The following STOX2 variants were observed in gnomAD, a reference collection of about 807,000 sequenced individuals.
The protein encoded by STOX2 is storkhead-box protein 2.
In STOX2, 28 loss-of-function variants were observed where a neutral mutation model predicts 60.9. The ratio of observed to expected loss-of-function variants is 0.46; its 90% CI spans 0.34 to 0.63. STOX2 has a LOEUF of 0.63. Ranked by LOEUF, STOX2 falls within the 30% of genes least tolerant of loss-of-function variation. The pLI, the probability that STOX2 is intolerant of heterozygous loss-of-function variation, is 0.01. For synonymous variants in STOX2, 472 were observed against 463.9 expected (o/e 1.02, Z -0.22); for missense variants, 1,024 against 1,187.7 (o/e 0.86, Z 2.03).
intron 1 of STOX2, among the ~76,000 whole-genome samples, chr4:183,811,992 T>G (rs1031285572): frequency 3.4e-5 from 5 of 148,856 alleles, no homozygotes; most frequent in Admixed American, 1.4e-4. Context: ...GGTGCAGTGG[T>G]GTGATTATGG....
At chr4:183,817,353 T>A (rs924634445) in intron 1 of STOX2, among the ~76,000 whole-genome samples, 2 of 152,200 alleles carry the variant, frequency 1.3e-5, no homozygotes, top group African/African-American at 4.8e-5. Context: ...TTTGCAACCC[T>A]TTGCATGCTG....
intron 1 of STOX2, among the ~76,000 whole-genome samples, chr4:183,951,151 C>T (rs1308479408): frequency 1.3e-5 from 2 of 149,396 alleles, no homozygotes; most frequent in Admixed American, 6.7e-5. Flanking sequence ...GGAGGTGGAG[C>T]TTGCAGTGAG....
At chr4:183,916,019 C>T (rs1408059705) in intron 1 of STOX2, among the ~76,000 whole-genome samples, 2 of 152,240 alleles carry the variant, frequency 1.3e-5, no homozygotes, top group African/African-American at 4.8e-5. Flanking sequence ...AGGTACTTTC[C>T]TGGCCTTCCT....
intron 1 of STOX2, among the ~76,000 whole-genome samples, chr4:183,937,404 C>T (rs1742617922): frequency 6.6e-6 from 1 of 152,186 alleles, no homozygotes; most frequent in Non-Finnish European, 1.5e-5. Flanking sequence ...GACGTGTCTT[C>T]TTCCCTTATT....
chr4:183,858,389 C>T (rs917853312), intron 1 of STOX2, among the ~76,000 whole-genome samples: 1 of 152,220 alleles, frequency 6.6e-6, no homozygotes, highest in Non-Finnish European at 1.5e-5. Context: ...AGCCACCCAC[C>T]CGGCAGCTCT....
At chr4:183,993,343 G>A (rs1408847082) in intron 1 of STOX2, among the ~76,000 whole-genome samples, 1 of 152,192 alleles carries the variant, frequency 6.6e-6, no homozygotes, top group Non-Finnish European at 1.5e-5. Context: ...TAGACAGACT[G>A]GTCAGCACAA....
Position 183,806,077 on chromosome 4 carries a change from T to G in STOX2, c.364+8022T>G, listed in dbSNP as rs377153955. 2.0e-5 allele frequency among the ~76,000 whole-genome samples: 3 copies of G among 152,326 alleles called. No homozygotes were observed. The highest frequency in any genetic ancestry group is 3.9e-4 in the East Asian group (2 of 5,184). ...GTGCATGGGACAGTGGGAGACCCCATGCTGAGCAGATCCAGGTCTGAATTT... is the reference window on the plus strand; with the variant it reads ...GTGCATGGGACAGTGGGAGACCCCAGGCTGAGCAGATCCAGGTCTGAATTT... On this transcript the variant is annotated intron_variant, in intron 1 of 2. Coordinates refer to the STOX2 transcript ENST00000513034. The surrounding 1 kb of genome is among the most constrained non-coding windows in gnomAD (Gnocchi z 4.1).
At chr4:183,872,111 A>G (rs1740706582) in intron 1 of STOX2, among the ~76,000 whole-genome samples, 1 of 152,022 alleles carries the variant, frequency 6.6e-6, no homozygotes, top group Admixed American at 6.6e-5. Context: ...GTTGGAGTAT[A>G]GTGGCGCAAT....
At chr4:183,858,844 T>C (rs1431660161) in intron 1 of STOX2, among the ~76,000 whole-genome samples, 1 of 152,220 alleles carries the variant, frequency 6.6e-6, no homozygotes, top group Non-Finnish European at 1.5e-5. Context: ...TCTAGAAATA[T>C]AATACTTTTT....
chr4:183,954,873 G>GGAT (rs1743203480), intron 1 of STOX2, among the ~76,000 whole-genome samples: 1 of 151,934 alleles, frequency 6.6e-6, no homozygotes, highest in Admixed American at 6.6e-5. Context: ...CAAGTAGCTG[G>GGAT]GATTACAGGC....
chr4:183,920,713 T>A (rs1310749118), intron 1 of STOX2, among the ~76,000 whole-genome samples: 1 of 152,226 alleles, frequency 6.6e-6, no homozygotes, highest in Non-Finnish European at 1.5e-5. Context: ...CTGCTATTTC[T>A]TCCTCTTCCT....
At chr4:183,931,286 T>A (rs962532067) in intron 1 of STOX2, among the ~76,000 whole-genome samples, 3 of 152,086 alleles carry the variant, frequency 2.0e-5, no homozygotes, top group Non-Finnish European at 4.4e-5. Flanking sequence ...TAGCTGGGTA[T>A]GGTGGCATGC....
At chr4:183,809,442 A>T (rs547996444) in intron 1 of STOX2, among the ~76,000 whole-genome samples, 11 of 152,190 alleles carry the variant, frequency 7.2e-5, no homozygotes, top group Admixed American at 3.9e-4. Context: ...CTCTGTCACC[A>T]GGCTGGAGTG....
chr4:183,917,866 C>T (rs1216763398), intron 1 of STOX2, among the ~76,000 whole-genome samples: 1 of 152,206 alleles, frequency 6.6e-6, no homozygotes, highest in Non-Finnish European at 1.5e-5. Flanking sequence ...CTGTGAAATC[C>T]TAACAATCTA....
rs554628046 is a variant in STOX2 at position 183,808,947 on chromosome 4, G to T, written c.364+10892G>T. ...TGTTTTAAGAAACTTTAAGACACTG[G>T]GGGTCTTGATTGCTTTGAATTGTTT... On this transcript the variant is annotated intron_variant, in intron 1 of 2. Transcript: ENST00000513034. 7.9e-5 allele frequency among the ~76,000 whole-genome samples: 12 copies of T among 152,294 alleles called. No homozygotes were observed. The South Asian group carries it at 1.0e-3, about 13-fold the overall frequency.
At chr4:183,799,632 AC>A (rs1451147925) in intron 1 of STOX2, among the ~76,000 whole-genome samples, 3 of 150,204 alleles carry the variant, frequency 2.0e-5, no homozygotes, top group Non-Finnish European at 4.4e-5. Flanking sequence ...GGCCGGTCTT[AC>A]TGCATTTATA....
chr4:183,992,482 A>G (rs1425496864), intron 1 of STOX2, among the ~76,000 whole-genome samples: 1 of 152,258 alleles, frequency 6.6e-6, no homozygotes, highest in Non-Finnish European at 1.5e-5. Context: ...AGGCCAGGTT[A>G]TGCTGCAGAA....
At chr4:183,987,773 C>T (rs1433007455) in intron 1 of STOX2, 1 of 152,232 alleles carries the variant, frequency 6.6e-6, no homozygotes, top group Non-Finnish European at 1.5e-5. Flanking sequence ...TGCACGGCAA[C>T]TGGAATTTAT....
chr4:183,798,204 G>A (rs1738673147), intron 1 of STOX2: 1 of 763,180 alleles, frequency 1.3e-6, no homozygotes, highest in Non-Finnish European at 1.8e-6. Flanking sequence ...GGGAGGAGCC[G>A]GGGGCCCTCT....
Sources: gnomAD v4.1 joint callset for allele counts (sites outside exome capture counted in the v4.1 genomes callset) on GRCh38, gnomAD v4.1.1 for gene constraint, Gnocchi (gnomAD v3.1) non-coding constraint, MANE v1.5 for transcripts, NCBI Gene and HGNC (gene_info 2026-07-23, HGNC 2026-07-21) for gene names.